Variants in MAGI1 observed in about 807,000 individuals in gnomAD.
MAGI1 encodes membrane associated guanylate kinase, WW and PDZ domain containing 1.
A neutral mutation model predicts 139.9 loss-of-function variants in MAGI1; 58 were observed. That is an observed-to-expected ratio of 0.41 (90% CI 0.34 to 0.52). The LOEUF (loss-of-function observed/expected upper bound fraction) is 0.52. Ranked by LOEUF, MAGI1 falls within the 20% of genes least tolerant of loss-of-function variation. MAGI1 has a pLI of 0.12. For missense variants in MAGI1, 1,874 were observed against 1,901.6 expected (o/e 0.99, Z 0.27); for synonymous variants, 812 against 737.9 (o/e 1.10, Z -1.63).
In MAGI1 at chr3:65,356,530, G is replaced by A. The variant is rs1213252244; in HGVS notation, c.4237C>T (p.Arg1413Trp). 6 of 1,610,208 alleles carry A rather than the reference G, an allele frequency of 3.7e-6. No homozygotes were observed. The highest frequency in any genetic ancestry group is 1.3e-5 in the African/African-American group (1 of 74,870). The stretch of plus-strand genomic sequence containing the variant: ...TCTCTGTTCCTTTTGTCCAGGGACC[G>A]CTCTCTCCTGCGCTCGGGGGAGCGT... ...RARSPERRRE[R>W]SLDKRNREDR... Residue 1413 changes from arginine to tryptophan, a missense_variant, in exon 23 of 23, where the codon CGG becomes TGG. Physicochemically the swap from Arg to Trp is moderately radical, Grantham distance 101. Around this residue, in one of 5 missense-constraint regions of MAGI1, gnomAD observed 653 missense variants for 644.5 expected, o/e 1.01. Coordinates refer to ENST00000402939, the MANE Select transcript of MAGI1 (RefSeq NM_001033057.2).
At position 65,355,823 on chromosome 3, in the gene MAGI1, TAC is replaced by T. The variant is rs1940170867; in HGVS notation, c.*553_*554del. ...TTCATTTGCAATAGTAGTCTTGTCATACAGTTTGCTTACTTTTAGGATCATCG... is the reference window on the plus strand; with the variant it reads ...TTCATTTGCAATAGTAGTCTTGTCATAGTTTGCTTACTTTTAGGATCATCG... On this transcript the variant is annotated 3_prime_UTR_variant, in exon 23 of 23. Transcript: ENST00000402939. 1 of 152,684 alleles carries T rather than the reference TAC, an allele frequency of 6.5e-6. No individual in the cohort carries two copies. The highest frequency in any genetic ancestry group is 2.4e-5 in the African/African-American group (1 of 41,462). 9.5% of individuals were successfully genotyped at this position (152,684 alleles called of 1,614,324 possible). A position where few individuals can be genotyped will look rare whatever the true frequency, so the allele number is the denominator to read the frequency against.
intron 1 of MAGI1, among the ~76,000 whole-genome samples, chr3:65,838,496 T>G (rs964599235): frequency 7.9e-5 from 12 of 152,228 alleles, no homozygotes; most frequent in Non-Finnish European, 1.6e-4. Flanking sequence ...TATATGACCT[T>G]TAGAGATTGT....
Position 65,628,919 on chromosome 3 carries a change from C to T in MAGI1, c.314-6831G>A, listed in dbSNP as rs761107173. On this transcript the variant is annotated intron_variant, in intron 1 of 22. Coordinates refer to ENST00000402939, the MANE Select transcript of MAGI1 (RefSeq NM_001033057.2). ...GACTTGCCTGTTCACATTTCTTATA[C>T]GTTTTCCTATTAGGTTATCTAGTTA... Among the ~76,000 whole-genome samples the T allele has an allele frequency of 4.6e-5, 7 of 151,996 alleles. No individual in the cohort carries two copies. In the East Asian group the frequency reaches 5.8e-4, roughly 13 times the overall value.
intron 4 of MAGI1, among the ~76,000 whole-genome samples, chr3:65,477,711 A>ATTTTTTTT (rs60679864): frequency 1.4e-5 from 2 of 141,612 alleles, no homozygotes; most frequent in Non-Finnish European, 1.6e-5. Flanking sequence ...TATTATTATT[A>ATTTTTTTT]TTTTTTTTTT....
intron 2 of MAGI1, among the ~76,000 whole-genome samples, chr3:65,587,306 CA>C (rs1425985462): frequency 6.6e-6 from 1 of 151,986 alleles, no homozygotes; most frequent in Non-Finnish European, 1.5e-5. Flanking sequence ...TAGAGCTGGG[CA>C]AAATCATCTA....
At chr3:65,496,487 A>G (rs1952464848) in intron 2 of MAGI1, among the ~76,000 whole-genome samples, 1 of 152,210 alleles carries the variant, frequency 6.6e-6, no homozygotes, top group African/African-American at 2.4e-5. Context: ...ATGGACTAGA[A>G]TAGGACAGAA....
intron 1 of MAGI1, among the ~76,000 whole-genome samples, chr3:65,857,227 T>C (rs574584186): frequency 6.6e-6 from 1 of 152,316 alleles, no homozygotes; most frequent in South Asian, 2.1e-4. Flanking sequence ...GCAAGTAGTT[T>C]CCTGGAGAAA....
chr3:65,497,985 T>A (rs533189607), intron 2 of MAGI1, among the ~76,000 whole-genome samples: 1 of 152,214 alleles, frequency 6.6e-6, no homozygotes, highest in South Asian at 2.1e-4. Context: ...TTCCCAGCTA[T>A]CCTCTGAGCA....
intron 2 of MAGI1, among the ~76,000 whole-genome samples, chr3:65,571,885 G>T (rs1009979223): frequency 6.6e-6 from 1 of 152,028 alleles, no homozygotes. Flanking sequence ...CACAAAATTA[G>T]GCACCAAATG....
At chr3:65,966,855 T>C (rs550333428) in intron 1 of MAGI1, among the ~76,000 whole-genome samples, 1 of 152,348 alleles carries the variant, frequency 6.6e-6, no homozygotes, top group South Asian at 2.1e-4. Context: ...AATTAGTCTT[T>C]TTTAAATCCA....
intron 1 of MAGI1, among the ~76,000 whole-genome samples, chr3:65,633,486 T>G (rs1336746601): frequency 2.0e-5 from 3 of 152,190 alleles, no homozygotes; most frequent in Non-Finnish European, 4.4e-5. Context: ...TGAGCAAGCA[T>G]GAAACATTTT....
intron 1 of MAGI1, among the ~76,000 whole-genome samples, chr3:65,877,394 G>A (rs960288688): frequency 6.6e-6 from 1 of 152,098 alleles, no homozygotes; most frequent in Non-Finnish European, 1.5e-5. Context: ...AAACATAAAT[G>A]TTGGCAGCCT....
At chr3:65,376,449 A>G (rs1942535581) in intron 17 of MAGI1, among the ~76,000 whole-genome samples, 2 of 152,218 alleles carry the variant, frequency 1.3e-5, no homozygotes, top group African/African-American at 4.8e-5. Flanking sequence ...GGTGAGGCAT[A>G]AGAGTCTGCT....
At chr3:65,952,781 T>A (rs2063930267) in intron 1 of MAGI1, among the ~76,000 whole-genome samples, 1 of 152,140 alleles carries the variant, frequency 6.6e-6, no homozygotes, top group Non-Finnish European at 1.5e-5. Flanking sequence ...GCCACTGCAC[T>A]CCAGCCTCGG....
At chr3:65,657,034 T>A (rs1431154286) in intron 1 of MAGI1, among the ~76,000 whole-genome samples, 2 of 140,240 alleles carry the variant, frequency 1.4e-5, no homozygotes, top group Non-Finnish European at 3.1e-5. Context: ...ATAATGAAGA[T>A]AAGGATAACA....
At chr3:65,734,676 G>C (rs899366354) in intron 1 of MAGI1, among the ~76,000 whole-genome samples, 2 of 152,026 alleles carry the variant, frequency 1.3e-5, no homozygotes, top group Non-Finnish European at 2.9e-5. Flanking sequence ...TTTAGTGACT[G>C]TTTCCAACAC....
intron 1 of MAGI1, among the ~76,000 whole-genome samples, chr3:65,662,993 G>A (rs986297958): frequency 2.0e-5 from 3 of 152,082 alleles, no homozygotes; most frequent in African/African-American, 7.2e-5. Flanking sequence ...GACCAGAGAC[G>A]GGTGCTGGAG....
intron 12 of MAGI1, among the ~76,000 whole-genome samples, chr3:65,403,873 A>G (rs1945112256): frequency 6.6e-6 from 1 of 152,246 alleles, no homozygotes; most frequent in Non-Finnish European, 1.5e-5. Flanking sequence ...GGTAGAAAAG[A>G]GAACTGGAAA....
At chr3:65,423,329 C>T (rs1188262412) in intron 12 of MAGI1, among the ~76,000 whole-genome samples, 2 of 152,176 alleles carry the variant, frequency 1.3e-5, no homozygotes, top group Non-Finnish European at 2.9e-5. Context: ...TACCGTGGTT[C>T]TAATTATGAT....
Sources: allele counts gnomAD v4.1 joint callset (sites outside exome capture counted in the v4.1 genomes callset), GRCh38; gene constraint gnomAD v4.1.1; regional missense constraint gnomAD v4.1.1; transcripts MANE v1.5; gene names NCBI Gene and HGNC (gene_info 2026-07-23, HGNC 2026-07-21).